AZIN2: variants seen among roughly 807,000 people sequenced by gnomAD.
AZIN2 encodes ODC antizyme inhibitor-2.
AZIN2 carries 28 observed loss-of-function variants against 47.8 expected under a neutral mutation model. The observed-to-expected ratio is 0.59, with a 90% confidence interval of 0.43 to 0.80. The LOEUF (loss-of-function observed/expected upper bound fraction) is 0.80. Among genes scored for constraint, AZIN2 ranks in the 30% least tolerant of loss-of-function variants. AZIN2 has a pLI of 0.00. For missense variants in AZIN2, 535 were observed against 582.5 expected, an observed-to-expected ratio of 0.92 and a Z score of 0.84; for synonymous variants, 221 against 239.4, an observed-to-expected ratio of 0.92 and a Z score of 0.71.
In AZIN2 at chr1:33,092,350, G is replaced by T. The variant is rs374387086; in HGVS notation, c.452+128G>T. On this transcript the variant is annotated intron_variant, in intron 6 of 11. Coordinates refer to ENST00000294517, the MANE Select transcript of AZIN2 (RefSeq NM_052998.4). ...GAAGGCTGGGCTTCAGAGTGAAGGG[G>T]GGGGTGGGGTGAGGGGGTGGAGCTG... The T allele has an allele frequency of 1.4e-4, 127 of 878,754 alleles. No individual in the cohort carries two copies. In the African/African-American group the frequency reaches 2.0e-3, roughly 14 times the overall value. The allele number at this position is 878,754 out of a possible 1,614,324, so 54.4% of individuals were successfully genotyped here. A position where few individuals can be genotyped will look rare whatever the true frequency, so the allele number is the denominator to read the frequency against.
downstream of AZIN2, among the ~76,000 whole-genome samples, chr1:33,126,695 C>T (rs904964829): frequency 6.6e-6 from 1 of 151,992 alleles, no homozygotes; most frequent in Admixed American, 6.5e-5. Context: ...GAGCCCCAGG[C>T]AGGGAGGCAC....
At chr1:33,085,096 G>A (rs764431329) in intron 5 of AZIN2, among the ~76,000 whole-genome samples, 3 of 152,082 alleles carry the variant, frequency 2.0e-5, no homozygotes, top group Non-Finnish European at 2.9e-5. Context: ...ACTAAGTAGA[G>A]CTGAAAGTAT....
chr1:33,115,727 A>T (rs1255547303), intron 10 of AZIN2, among the ~76,000 whole-genome samples: 1 of 152,188 alleles, frequency 6.6e-6, no homozygotes, highest in Non-Finnish European at 1.5e-5. Context: ...TAGATACATA[A>T]ATAGTAAAAG....
chr1:33,131,548 C>T, the AZIN2 span, among the ~76,000 whole-genome samples: 40 of 152,058 alleles, frequency 2.6e-4, no homozygotes, highest in Non-Finnish European at 5.7e-4. Context: ...AGATTGTAAA[C>T]GATTTCAATA....
chr1:33,145,938 G>C, the AZIN2 span: 1 of 470,940 alleles, frequency 2.1e-6, no homozygotes, highest in Non-Finnish European at 4.4e-6. Context: ...AGAATCTCTT[G>C]TAAAAATTTA....
At chr1:33,147,734 G>A in the AZIN2 span, 2 of 1,605,428 alleles carry the variant, frequency 1.2e-6, no homozygotes, top group South Asian at 1.1e-5. The surrounding 1 kb of genome is among the most constrained non-coding windows in gnomAD (Gnocchi z 8.1). Context: ...GGCACTGTGG[G>A]GGTTGGAGGA....
At chr1:33,116,803 T>C (rs1644564093) in intron 10 of AZIN2, among the ~76,000 whole-genome samples, 1 of 152,036 alleles carries the variant, frequency 6.6e-6, no homozygotes, top group Non-Finnish European at 1.5e-5. Context: ...AATTTGCAAA[T>C]TTGGGGCCTC....
chr1:33,089,367 G>A (rs1478530672), intron 5 of AZIN2, among the ~76,000 whole-genome samples: 1 of 152,164 alleles, frequency 6.6e-6, no homozygotes, highest in African/African-American at 2.4e-5. Context: ...GGAGGCCAAG[G>A]CAGGAGGACT....
chr1:33,099,567 C>T (rs1298942988), intron 10 of AZIN2, among the ~76,000 whole-genome samples: 3 of 152,182 alleles, frequency 2.0e-5, no homozygotes, highest in Non-Finnish European at 1.5e-5. Context: ...TGGCTCTCAC[C>T]CACTCCACTC....
chr1:33,144,868 C>T, the AZIN2 span, among the ~76,000 whole-genome samples: 680 of 152,332 alleles, frequency 4.5e-3, 6 homozygotes, highest in African/African-American at 0.015. Flanking sequence ...ACCCATACAG[C>T]TCCAGGCACT....
intron 10 of AZIN2, among the ~76,000 whole-genome samples, chr1:33,111,262 C>CT (rs993187917): frequency 8.5e-5 from 13 of 152,140 alleles, no homozygotes; most frequent in Non-Finnish European, 1.5e-4. Context: ...AATGTTGCTT[C>CT]TTTTTTTGAA....
chr1:33,123,710 A>G (rs1295986355), downstream of AZIN2, among the ~76,000 whole-genome samples: 3 of 152,168 alleles, frequency 2.0e-5, no homozygotes, highest in East Asian at 5.8e-4. Context: ...TAAAGATACA[A>G]AAAATTGGCA....
chr1:33,111,870 T>G (rs934496600), intron 10 of AZIN2, among the ~76,000 whole-genome samples: 2 of 152,154 alleles, frequency 1.3e-5, no homozygotes, highest in Admixed American at 6.6e-5. Context: ...CCCAAAGTGC[T>G]GGGATTACAG....
At chr1:33,117,812 T>C (rs1326045883) in intron 10 of AZIN2, 90 bp from the exon 11 acceptor site, 2 of 1,400,368 alleles carry the variant, frequency 1.4e-6, no homozygotes, top group African/African-American at 2.8e-5. Flanking sequence ...TCCTGTTGGC[T>C]ATGGGAGCCA....
In AZIN2 at chr1:33,120,479, A is replaced by C; in HGVS notation, c.*297A>C. On this transcript the variant is annotated 3_prime_UTR_variant, in exon 12 of 12. Coordinates refer to ENST00000294517, the MANE Select transcript of AZIN2 (RefSeq NM_052998.4). ...TGGGGTCTCCTTTGGTCTCCTTCCCACCTTTGTAAATATAATGCAAATAAA... is the reference window on the plus strand; with the variant it reads ...TGGGGTCTCCTTTGGTCTCCTTCCCCCCTTTGTAAATATAATGCAAATAAA... 3 of 361,406 alleles carry C rather than the reference A, an allele frequency of 8.3e-6. No individual in the cohort carries two copies. Among genetic ancestry groups the C allele is most frequent in the Non-Finnish European group, 1.5e-5 (3 of 199,824 alleles). 22.4% of individuals were successfully genotyped at this position (361,406 alleles called of 1,614,324 possible).
chr1:33,087,788 CT>C (rs889557839), intron 5 of AZIN2, among the ~76,000 whole-genome samples: 2 of 151,944 alleles, frequency 1.3e-5, no homozygotes, highest in Non-Finnish European at 2.9e-5. Flanking sequence ...TATGGTCCTA[CT>C]TTTAAAGGCT....
chr1:33,165,549 T>G, the AZIN2 span: 1 of 1,609,362 alleles, frequency 6.2e-7, no homozygotes. The surrounding 1 kb of genome is among the most constrained non-coding windows in gnomAD (Gnocchi z 4.0). Context: ...GGGCCTGAAG[T>G]TGGTCCTTCA....
chr1:33,103,564 T>C (rs1643866419), intron 10 of AZIN2, among the ~76,000 whole-genome samples: 1 of 152,200 alleles, frequency 6.6e-6, no homozygotes, highest in South Asian at 2.1e-4. Flanking sequence ...GATACCCTGC[T>C]TATTTTCTTC....
intron 10 of AZIN2, among the ~76,000 whole-genome samples, chr1:33,112,789 A>AGGCTCACATTTATTCTTTTATC (rs1644345539): frequency 6.6e-6 from 1 of 152,208 alleles, no homozygotes; most frequent in African/African-American, 2.4e-5. Flanking sequence ...ATTCTTTGAT[A>AGGCTCACATTTATTCTTTTATC]GGCTCACATT....
Sources: allele counts gnomAD v4.1 joint callset (sites outside exome capture counted in the v4.1 genomes callset), GRCh38; gene constraint gnomAD v4.1.1; non-coding constraint Gnocchi (gnomAD v3.1); transcripts MANE v1.5; gene names NCBI Gene and HGNC (gene_info 2026-07-23, HGNC 2026-07-21).